SUPT3H: variants seen among roughly 807,000 people sequenced by gnomAD.
The protein encoded by SUPT3H is SPT3 homolog, SAGA and STAGA complex component.
SUPT3H carries 44 observed loss-of-function variants against 44.3 expected under a neutral mutation model. The ratio of observed to expected loss-of-function variants is 0.99; its 90% CI spans 0.78 to 1.28. The LOEUF (loss-of-function observed/expected upper bound fraction) is 1.28, where lower values mean the gene tolerates loss of function less well. SUPT3H is among the 50% of genes most tolerant of loss of function. The pLI is 0.00. For synonymous variants in SUPT3H, 124 were observed against 125.6 expected, an observed-to-expected ratio of 0.99 and a Z score of 0.09; for missense variants, 380 against 387.1, an observed-to-expected ratio of 0.98 and a Z score of 0.15.
At chr6:45,049,734 C>T (rs182130116) in intron 3 of SUPT3H, among the ~76,000 whole-genome samples, 36 of 152,272 alleles carry the variant, frequency 2.4e-4, no homozygotes, top group Admixed American at 2.2e-3. Context: ...AAAACCCCTT[C>T]ACTTTTTACT....
At chr6:44,825,430 T>A (rs1406809187), downstream of SUPT3H, among the ~76,000 whole-genome samples, 1 of 152,172 alleles carries the variant, frequency 6.6e-6, no homozygotes, top group East Asian at 1.9e-4. Flanking sequence ...AAATCTCTAC[T>A]CCAGTACAGT....
At chr6:44,890,614 TGGGGGAG>T (rs1276846471) in intron 10 of SUPT3H, among the ~76,000 whole-genome samples, 2 of 18,860 alleles carry the variant, frequency 1.1e-4, no homozygotes, top group African/African-American at 2.3e-4. Context: ...TGTTGTGGGG[TGGGGGAG>T]GGGGGAGGGA....
intron 3 of SUPT3H, among the ~76,000 whole-genome samples, chr6:45,022,424 T>G (rs1785283225): frequency 6.6e-6 from 1 of 151,946 alleles, no homozygotes; most frequent in Admixed American, 6.6e-5. Context: ...TGTTTTTTTT[T>G]TTTTTTTTTA....
intron 2 of SUPT3H, among the ~76,000 whole-genome samples, chr6:45,127,186 T>C (rs1387059969): frequency 2.0e-5 from 3 of 152,036 alleles, no homozygotes; most frequent in African/African-American, 7.2e-5. Context: ...CAGTGGCGTG[T>C]GTCTGTAATC....
intron 10 of SUPT3H, among the ~76,000 whole-genome samples, chr6:44,839,992 A>G (rs373608457): frequency 1.4e-3 from 206 of 151,918 alleles, no homozygotes; most frequent in South Asian, 2.1e-3. Flanking sequence ...GAGCCACCGC[A>G]CCCAGCCCAG....
chr6:44,872,421 T>C lies in SUPT3H; in HGVS notation c.913-42564A>G, dbSNP rs1008070924. ...CTAAACTTCATAAGTGAAGGAGAAA[T>C]AAAATACTTTATAGACAAGCAAATG... is the stretch of plus-strand genomic sequence containing the variant. On this transcript the variant is annotated intron_variant, in intron 10 of 10. Coordinates refer to ENST00000371459, the MANE Select transcript of SUPT3H (RefSeq NM_003599.4). 4.4e-5 allele frequency among the ~76,000 whole-genome samples: 6 copies of C among 134,972 alleles called. No individual in the cohort carries two copies. In the Admixed American group the frequency reaches 4.6e-4, roughly 10 times the overall value. The allele number at this position is 134,972 out of a possible 152,430, so 88.5% of individuals were successfully genotyped here. A position where few individuals can be genotyped will look rare whatever the true frequency, so the allele number is the denominator to read the frequency against.
chr6:44,816,493 G>A (rs1374788411), intron 11 of SUPT3H, among the ~76,000 whole-genome samples: 1 of 151,936 alleles, frequency 6.6e-6, no homozygotes, highest in Admixed American at 6.6e-5. Context: ...ATTATTCATA[G>A]CTAAAAGCTT....
rs771380495 is a variant in SUPT3H, at chr6:45,169,455, T to C, written c.102-63449A>G. On this transcript the variant is annotated intron_variant, in intron 2 of 10. Transcript: ENST00000371459. ...TGATCCAACTGTATGCAGCACTAGA[T>C]GCTACATTATTCCAAATCAGAATTA... 5.3e-5 allele frequency among the ~76,000 whole-genome samples: 8 copies of C among 152,284 alleles called. No homozygotes were observed. In the South Asian group the frequency reaches 8.3e-4, roughly 16 times the overall value.
intron 2 of SUPT3H, among the ~76,000 whole-genome samples, chr6:45,156,074 A>C (rs1272556789): frequency 2.0e-5 from 3 of 152,318 alleles, no homozygotes; most frequent in African/African-American, 7.2e-5. Flanking sequence ...AAAAAGAAGA[A>C]GAAAAAAGAA....
chr6:44,950,960 C>T (rs562885683), intron 9 of SUPT3H, among the ~76,000 whole-genome samples: 1 of 151,970 alleles, frequency 6.6e-6, no homozygotes, highest in South Asian at 2.1e-4. Flanking sequence ...ACCCTTCAGC[C>T]AAGAAACCAT....
intron 10 of SUPT3H, among the ~76,000 whole-genome samples, chr6:44,901,784 T>C (rs1250576912): frequency 6.6e-6 from 1 of 152,078 alleles, no homozygotes; most frequent in Non-Finnish European, 1.5e-5. Flanking sequence ...AAAGGTCGGG[T>C]TACCCACAAA....
In SUPT3H at chr6:45,001,942, T is replaced by C. The variant is rs934490764; in HGVS notation, c.504+1711A>G. Among the ~76,000 whole-genome samples, 6 of 152,192 alleles carry C rather than the reference T, an allele frequency of 3.9e-5. No homozygotes were observed. In the East Asian group the frequency reaches 1.2e-3, roughly 29 times the overall value. On this transcript the variant is annotated intron_variant, in intron 6 of 10. Coordinates refer to ENST00000371459, the MANE Select transcript of SUPT3H (RefSeq NM_003599.4). ...CTTTCTACTGTCTACAGTTAAGTTA[T>C]GTCTACAAGCCCAGCATATTTTTTT...
rs1442551782 is a variant in SUPT3H, at chr6:45,319,573, TA to T, written c.101+45627del. Among the ~76,000 whole-genome samples the T allele has an allele frequency of 6.6e-5, 10 of 152,228 alleles. No homozygotes were observed. The East Asian group carries it at 1.7e-3, about 26-fold the overall frequency. ...TACAAGCTCAATTTTTATTTACCAA[TA>T]AAAATACATAAAATATTACTTTTCT... On this transcript the variant is annotated intron_variant, in intron 2 of 10. Coordinates refer to ENST00000371459, the MANE Select transcript of SUPT3H (RefSeq NM_003599.4).
intron 2 of SUPT3H, among the ~76,000 whole-genome samples, chr6:45,184,024 A>C (rs1208830469): frequency 6.6e-6 from 1 of 152,206 alleles, no homozygotes; most frequent in South Asian, 2.1e-4. Flanking sequence ...TACATGTCAT[A>C]CATTTGTCAG....
Position 45,256,031 on chromosome 6 carries a change from C to T in SUPT3H, c.101+109170G>A, listed in dbSNP as rs1485857239. ...CTAAAGATACAAAAAATTAACCGGG[C>T]GTGGTTGCGGGTGCCTGTAGTTCCA... On this transcript the variant is annotated intron_variant, in intron 2 of 10. Coordinates refer to ENST00000371459, the MANE Select transcript of SUPT3H (RefSeq NM_003599.4). Among the ~76,000 whole-genome samples, 3 of 152,120 alleles carry T rather than the reference C, an allele frequency of 2.0e-5. No homozygotes were observed. The East Asian group carries it at 5.8e-4, about 29-fold the overall frequency.
chr6:45,035,289 C>T (rs572452391), intron 3 of SUPT3H, among the ~76,000 whole-genome samples: 2 of 152,246 alleles, frequency 1.3e-5, no homozygotes, highest in East Asian at 3.9e-4. Context: ...TACCTTCAAT[C>T]TCCCAATTTT....
intron 11 of SUPT3H, among the ~76,000 whole-genome samples, chr6:44,816,700 A>G (rs1048516597): frequency 6.6e-6 from 1 of 152,214 alleles, no homozygotes; most frequent in African/African-American, 2.4e-5. Flanking sequence ...AAAACTCCAG[A>G]TCAATACTTT....
At chr6:45,020,296 T>C (rs1014253211) in intron 4 of SUPT3H, among the ~76,000 whole-genome samples, 1 of 151,968 alleles carries the variant, frequency 6.6e-6, no homozygotes, top group Non-Finnish European at 1.5e-5. Context: ...AATGAAAGTG[T>C]CTGCATAGAC....
At chr6:44,923,772 T>G (rs1339848314) in intron 10 of SUPT3H, among the ~76,000 whole-genome samples, 1 of 151,992 alleles carries the variant, frequency 6.6e-6, no homozygotes, top group Non-Finnish European at 1.5e-5. Context: ...TGCAGAGAGT[T>G]TAAATGAGAT....
Sources: gnomAD v4.1 joint callset for allele counts (sites outside exome capture counted in the v4.1 genomes callset) on GRCh38, gnomAD v4.1.1 for gene constraint, MANE v1.5 for transcripts, NCBI Gene and HGNC (gene_info 2026-07-23, HGNC 2026-07-21) for gene names.